ITSN1: variants seen among roughly 807,000 people sequenced by gnomAD.
ITSN1 encodes intersectin-1.
In ITSN1, 58 loss-of-function variants were observed where a neutral mutation model predicts 239.8. The observed-to-expected ratio is 0.24, with a 90% CI of 0.20 to 0.30. ITSN1 has a LOEUF of 0.30. ITSN1 is among the 10% of genes least tolerant of loss of function. The pLI is 1.00. For synonymous variants in ITSN1, 780 were observed against 770.8 expected (o/e 1.01, Z -0.20); for missense variants, 1,558 against 2,103.3 (o/e 0.74, Z 5.07).
intron 29 of ITSN1, among the ~76,000 whole-genome samples, chr21:33,849,565 C>CA (rs55906219): frequency 0.069 from 5,930 of 85,360 alleles, 184 homozygotes; most frequent in Non-Finnish European, 0.11. Context: ...GACTCTGTCT[C>CA]AAAAAAAAAA....
chr21:33,674,948 C>T (rs1056152749), intron 1 of ITSN1, among the ~76,000 whole-genome samples: 6 of 151,886 alleles, frequency 4.0e-5, no homozygotes, highest in Non-Finnish European at 5.9e-5. Flanking sequence ...AATATATGCT[C>T]ATTATAATGA....
intron 1 of ITSN1, among the ~76,000 whole-genome samples, chr21:33,646,163 A>T (rs142014005): frequency 6.6e-6 from 1 of 152,330 alleles, no homozygotes; most frequent in Non-Finnish European, 1.5e-5. Context: ...TGATTTTATA[A>T]ATTAGGAGCC....
At chr21:33,674,348 G>A (rs988014259) in intron 1 of ITSN1, among the ~76,000 whole-genome samples, 11 of 152,156 alleles carry the variant, frequency 7.2e-5, no homozygotes, top group Non-Finnish European at 1.2e-4. Flanking sequence ...GATTCTGAAG[G>A]CCCACAGCGT....
At chr21:33,836,677 C>A in intron 29 of ITSN1, 45 bp downstream of exon 29, 1 of 1,454,488 alleles carries the variant, frequency 6.9e-7, no homozygotes, top group Non-Finnish European at 9.6e-7. Flanking sequence ...CTGGTATCTT[C>A]CCGTAAAACA....
chr21:33,671,363 C>T (rs574106739), intron 1 of ITSN1, among the ~76,000 whole-genome samples: 7 of 151,868 alleles, frequency 4.6e-5, no homozygotes, highest in Admixed American at 2.0e-4. Context: ...CTTGACTCAC[C>T]GCAACCCCCG....
chr21:33,742,869 G>A (rs2066946040), intron 5 of ITSN1, among the ~76,000 whole-genome samples: 1 of 152,132 alleles, frequency 6.6e-6, no homozygotes, highest in African/African-American at 2.4e-5. Context: ...AAAGTGTCAA[G>A]CAAGGTCAAA....
At chr21:33,727,607 CAAAAA>C (rs201596116) in intron 4 of ITSN1, among the ~76,000 whole-genome samples, 2 of 69,760 alleles carry the variant, frequency 2.9e-5, no homozygotes, top group African/African-American at 9.1e-5. Flanking sequence ...TAAACTCATA[CAAAAA>C]AAAAAAAAAA....
chr21:33,737,894 A>G (rs2066601779), intron 5 of ITSN1, among the ~76,000 whole-genome samples: 1 of 152,076 alleles, frequency 6.6e-6, no homozygotes, highest in Non-Finnish European at 1.5e-5. Flanking sequence ...TAATATTGAA[A>G]ATTATTGGTT....
chr21:33,699,188 C>G (rs962052335), intron 1 of ITSN1, among the ~76,000 whole-genome samples: 3 of 152,074 alleles, frequency 2.0e-5, no homozygotes, highest in Non-Finnish European at 4.4e-5. Flanking sequence ...TTTCTTTCCC[C>G]TCAATGTTTC....
chr21:33,832,546 C>G (rs567491527), intron 27 of ITSN1, among the ~76,000 whole-genome samples: 2 of 152,252 alleles, frequency 1.3e-5, no homozygotes, highest in East Asian at 1.9e-4. Flanking sequence ...CAGAGTGACT[C>G]TCAGCGTGGA....
In ITSN1 at chr21:33,898,666, T is replaced by C. The variant is rs1379975199; in HGVS notation, c.*10366T>C. The stretch of plus-strand genomic sequence containing the variant: ...GCTGGTTTCTGGTGATCTGAATGCA[T>C]TGTGTTTGGGGGTGACACCGCTGGT... On this transcript the variant is annotated 3_prime_UTR_variant, in exon 40 of 40. Coordinates refer to ENST00000381318, the MANE Select transcript of ITSN1 (RefSeq NM_003024.3). The C allele has an allele frequency of 6.6e-6, 1 of 152,212 alleles. No homozygotes were observed. The highest frequency in any genetic ancestry group is 1.9e-4 in the East Asian group (1 of 5,198). 9.4% of individuals were successfully genotyped at this position (152,212 alleles called of 1,614,324 possible). A position where few individuals can be genotyped will look rare whatever the true frequency, so the allele number is the denominator to read the frequency against.
At chr21:33,886,206 C>T in intron 38 of ITSN1, 81 bp from the exon 39 acceptor site, 3 of 1,175,096 alleles carry the variant, frequency 2.6e-6, no homozygotes, top group Non-Finnish European at 3.7e-6. Flanking sequence ...AGCAAGAATC[C>T]ATCTAAAAAA....
intron 39 of ITSN1, 123 bp downstream of exon 39, chr21:33,886,583 C>T: frequency 1.2e-6 from 1 of 852,704 alleles, no homozygotes; most frequent in East Asian, 2.8e-5. Flanking sequence ...AGAGATGAGG[C>T]TGGCTGGCAC....
chr21:33,833,357 C>T (rs1237589791), intron 27 of ITSN1, among the ~76,000 whole-genome samples: 2 of 152,070 alleles, frequency 1.3e-5, no homozygotes, highest in African/African-American at 2.4e-5. Flanking sequence ...ATTGAGTCTC[C>T]TTGTGTTCTG....
chr21:33,691,425 T>C (rs2091542256), intron 1 of ITSN1, among the ~76,000 whole-genome samples: 1 of 152,252 alleles, frequency 6.6e-6, no homozygotes, highest in Non-Finnish European at 1.5e-5. Context: ...ATTACTCTGA[T>C]GCTTGTTAAA....
At position 33,865,086 on chromosome 21, in the gene ITSN1, A is replaced by G. The variant is rs1981322832; in HGVS notation, c.3891-65A>G. On this transcript the variant is annotated intron_variant, in intron 31 of 39. Transcript: ENST00000381318. This position sits in a 1 kb window ranked among gnomAD's most constrained non-coding sequence, Gnocchi z 4.4. ...CACACATTCTGTTTCTGTGCAACCT[A>G]AGTGTGCTGTGGTGCTGTCAGATAG... 4 of 1,502,166 alleles carry G rather than the reference A, an allele frequency of 2.7e-6. No homozygotes were observed. 93.1% of individuals were successfully genotyped at this position (1,502,166 alleles called of 1,614,324 possible). A position where few individuals can be genotyped will look rare whatever the true frequency, so the allele number is the denominator to read the frequency against.
In ITSN1 at chr21:33,830,109, C is replaced by G. The variant is rs1719360806; in HGVS notation, c.3351+364C>G. On this transcript the variant is annotated intron_variant, in intron 27 of 39. Coordinates refer to ENST00000381318, the MANE Select transcript of ITSN1 (RefSeq NM_003024.3). Reference sequence around the variant, plus strand: ...GAAGGTGTGGCACAAGAGCAGATTTCTTTGCATTCAAAGCCACATCCATAC... The same window carrying G: ...GAAGGTGTGGCACAAGAGCAGATTTGTTTGCATTCAAAGCCACATCCATAC... 3.3e-5 allele frequency among the ~76,000 whole-genome samples: 5 copies of G among 152,282 alleles called. No individual in the cohort carries two copies. The South Asian group carries it at 8.3e-4, about 25-fold the overall frequency.
chr21:33,722,627 C>T lies in ITSN1; in HGVS notation c.161C>T (p.Pro54Leu), dbSNP rs1168244844. ...AACTTTTTTTTTCAATCTGGGTTAC[C>T]TCAACCTGTTTTAGCACAGATATGG... ...ARNFFFQSGL[P>L]QPVLAQIWAL... Residue 54 changes from proline (P) to leucine (L), a missense_variant, in exon 4 of 40, where the codon CCT becomes CTT. Pro to Leu is a moderately conservative substitution (Grantham distance 98, BLOSUM62 -3). Around this residue, in one of 2 missense-constraint regions of ITSN1, gnomAD observed 982 missense variants for 1,209.9 expected, o/e 0.81. Transcript: ENST00000381318. The T allele has an allele frequency of 6.3e-7, 1 of 1,581,126 alleles. No homozygotes were observed.
At position 33,888,139 on chromosome 21, in the gene ITSN1, G is replaced by A. The variant is rs1284571694; in HGVS notation, c.5018-13G>A. The A allele has an allele frequency of 6.2e-7, 1 of 1,613,910 alleles. No homozygotes were observed. The highest frequency in any genetic ancestry group is 8.5e-7 in the Non-Finnish European group (1 of 1,179,876). On this transcript the variant is annotated splice_polypyrimidine_tract_variant and intron_variant, in intron 39 of 39. Coordinates refer to ENST00000381318, the MANE Select transcript of ITSN1 (RefSeq NM_003024.3). The stretch of plus-strand genomic sequence containing the variant: ...TGGTCCCTCTTAGGAGGGTCTGTTT[G>A]TTCTCTTTTCAGATTTTTTGGGTCG...
Sources: gnomAD v4.1 joint callset for allele counts (sites outside exome capture counted in the v4.1 genomes callset) on GRCh38, gnomAD v4.1.1 for gene constraint, gnomAD v4.1.1 regional missense constraint, Gnocchi (gnomAD v3.1) non-coding constraint, MANE v1.5 for transcripts, NCBI Gene and HGNC (gene_info 2026-07-23, HGNC 2026-07-21) for gene names.